Variants in PIP5K1A observed in about 807,000 individuals in gnomAD.
The protein encoded by PIP5K1A is phosphatidylinositol-4-phosphate 5-kinase type 1 alpha, also known as phosphatidylinositol 4-phosphate 5-kinase type-1 alpha.
PIP5K1A carries 46 observed loss-of-function variants against 72.9 expected under a neutral mutation model. The observed-to-expected ratio is 0.63, with a 90% CI of 0.50 to 0.81. The LOEUF (loss-of-function observed/expected upper bound fraction) is 0.81, where lower values mean the gene tolerates loss of function less well. Ranked by LOEUF, PIP5K1A falls within the 30% of genes least tolerant of loss-of-function variation. PIP5K1A has a pLI of 0.00. For missense variants in PIP5K1A, 458 were observed against 706.1 expected, an observed-to-expected ratio of 0.65 and a Z score of 3.98; for synonymous variants, 228 against 255.1, an observed-to-expected ratio of 0.89 and a Z score of 1.01.
intron 1 of PIP5K1A, among the ~76,000 whole-genome samples, chr1:151,199,388 G>A (rs1312213590): frequency 1.3e-5 from 2 of 152,076 alleles, no homozygotes; most frequent in Non-Finnish European, 2.9e-5. Flanking sequence ...CTTGGCGGGC[G>A]GATCATTTGA....
chr1:151,210,472 C>T, intron 1 of PIP5K1A, among the ~76,000 whole-genome samples: 1 of 152,082 alleles, frequency 6.6e-6, no homozygotes, highest in Non-Finnish European at 1.5e-5. Flanking sequence ...CAGGCATGAG[C>T]CACCCTGCTT....
chr1:151,247,865 A>C lies in PIP5K1A; in HGVS notation c.1689A>C (p.Ter563TyrextTer52), dbSNP rs1692741972. ...AACTTTACACTCTCCCTTTTCAGTAAGCGCAAAGCCTCAGAAGACCTGGAA... is the reference window on the plus strand; with the variant it reads ...AACTTTACACTCTCCCTTTTCAGTACGCGCAAAGCCTCAGAAGACCTGGAA... ...LEVAESEFTH[*>Y] Residue 563 changes from the stop codon to tyrosine, a stop_lost and splice_region_variant, in exon 16 of 16, where the codon TAA becomes TAC. Coordinates refer to ENST00000368888, the MANE Select transcript of PIP5K1A (RefSeq NM_001135638.2). The C allele has an allele frequency of 6.2e-7, 1 of 1,610,164 alleles. No homozygotes were observed. Among genetic ancestry groups the C allele is most frequent in the African/African-American group, 1.3e-5 (1 of 74,792 alleles).
At chr1:151,237,835 A>C (rs1480358144) in intron 9 of PIP5K1A, among the ~76,000 whole-genome samples, 3 of 150,162 alleles carry the variant, frequency 2.0e-5, no homozygotes, top group South Asian at 2.1e-4. Flanking sequence ...AAGATAGCAA[A>C]AGTACTGAAG....
upstream of PIP5K1A, among the ~76,000 whole-genome samples, chr1:151,195,925 C>G (rs1489961360): frequency 1.1e-5 from 1 of 94,422 alleles, no homozygotes; most frequent in South Asian, 3.9e-4. Context: ...GACGGAGTCT[C>G]GCTCTGTCGC....
chr1:151,230,899 T>C (rs1039729184), intron 4 of PIP5K1A, among the ~76,000 whole-genome samples: 1 of 152,236 alleles, frequency 6.6e-6, no homozygotes, highest in Non-Finnish European at 1.5e-5. Flanking sequence ...GACTGAAGTT[T>C]CTGCCGCCAG....
Position 151,242,447 on chromosome 1 carries a change from T to G in PIP5K1A, c.1520T>G (p.Leu507Arg). 2 of 1,614,158 alleles carry G rather than the reference T, an allele frequency of 1.2e-6. No individual in the cohort carries two copies. Among genetic ancestry groups the G allele is most frequent in the Non-Finnish European group, 1.7e-6 (2 of 1,179,994 alleles). ...TCTATCTTTTTTCCAGGCGTTCACC[T>G]TGGTCGTCCTGATGTTTTACCTCAG... The part of the protein sequence containing the change: ...TKAEVEPGVH[L>R]GRPDVLPQTP... The change falls in exon 14 of 16, where the codon CTT becomes CGT. Residue 507 changes from leucine (L) to arginine (R), a missense_variant. Physicochemically the swap from Leu to Arg is moderately radical, Grantham distance 102. Transcript: ENST00000368888.
At chr1:151,219,381 CAAAAAAA>C (rs1179510165) in intron 1 of PIP5K1A, among the ~76,000 whole-genome samples, 10 of 67,210 alleles carry the variant, frequency 1.5e-4, no homozygotes, top group Non-Finnish European at 3.0e-4. Context: ...ACTCTCGTCT[CAAAAAAA>C]AAAAAAAAAA....
intron 1 of PIP5K1A, chr1:151,216,147 G>C: frequency 2.3e-6 from 1 of 427,198 alleles, no homozygotes. Flanking sequence ...AGGAGATCGA[G>C]ACCATCCTGG....
At chr1:151,225,789 T>C (rs1182785201) in intron 3 of PIP5K1A, among the ~76,000 whole-genome samples, 1 of 151,774 alleles carries the variant, frequency 6.6e-6, no homozygotes, top group Non-Finnish European at 1.5e-5. Context: ...TTTTCTTTTT[T>C]TTTTTGAGAC....
In PIP5K1A at chr1:151,224,240, C is replaced by G; in HGVS notation, c.86-5C>G. The G allele has an allele frequency of 6.2e-7, 1 of 1,612,352 alleles. No individual in the cohort carries two copies. Among genetic ancestry groups the G allele is most frequent in the South Asian group, 1.1e-5 (1 of 91,022 alleles). On this transcript the variant is annotated splice_polypyrimidine_tract_variant and splice_region_variant and intron_variant, in intron 1 of 15. Transcript: ENST00000368888. ...CTCTTATGATTGTTTTTTTTTCCCC[C>G]CTAGCAGCATCTGGAATCAAGAGAC...
intron 3 of PIP5K1A, among the ~76,000 whole-genome samples, chr1:151,225,887 C>G (rs1689052397): frequency 6.7e-6 from 1 of 148,696 alleles, no homozygotes; most frequent in Admixed American, 6.8e-5. Flanking sequence ...AGTGATTCTC[C>G]CGCCTCAGCC....
In PIP5K1A at chr1:151,224,467, C is replaced by T. The variant is rs911538194; in HGVS notation, c.156+61C>T. The T allele has an allele frequency of 6.9e-5, 82 of 1,188,180 alleles. 1 individual carries two copies. The highest frequency in any genetic ancestry group is 9.5e-5 in the Non-Finnish European group (76 of 803,048). The allele number at this position is 1,188,180 out of a possible 1,614,324, so 73.6% of individuals were successfully genotyped here. Reference sequence around the variant, plus strand: ...AGTTTATTTTAAATATTAACAATATCTCACATTTATTGAGCATTTTTAATG... The same window carrying T: ...AGTTTATTTTAAATATTAACAATATTTCACATTTATTGAGCATTTTTAATG... On this transcript the variant is annotated intron_variant, in intron 3 of 15. Transcript: ENST00000368888.
chr1:151,218,290 G>A (rs587722082), intron 1 of PIP5K1A, among the ~76,000 whole-genome samples: 2 of 152,234 alleles, frequency 1.3e-5, no homozygotes, highest in South Asian at 4.1e-4. Flanking sequence ...AAATGATGTT[G>A]ATGAATGTTG....
At chr1:151,246,417 C>A (rs907222183) in intron 14 of PIP5K1A, among the ~76,000 whole-genome samples, 1 of 152,050 alleles carries the variant, frequency 6.6e-6, no homozygotes, top group Non-Finnish European at 1.5e-5. Context: ...CTTGTCACAT[C>A]GCCCTATCCA....
intron 1 of PIP5K1A, among the ~76,000 whole-genome samples, chr1:151,211,888 G>A (rs1313626642): frequency 2.0e-5 from 3 of 151,598 alleles, no homozygotes; most frequent in Non-Finnish European, 2.9e-5. Context: ...CGGATCACGA[G>A]GTCAGGAGAT....
intron 8 of PIP5K1A, among the ~76,000 whole-genome samples, chr1:151,234,755 A>C (rs1018039684): frequency 6.6e-6 from 1 of 152,178 alleles, no homozygotes; most frequent in Admixed American, 6.5e-5. Context: ...TTTCATACCA[A>C]CATCATCCTT....
In PIP5K1A at chr1:151,227,328, T is replaced by G; in HGVS notation, c.165T>G (p.Tyr55Ter). 1 of 1,608,830 alleles carries G rather than the reference T, an allele frequency of 6.2e-7. No individual in the cohort carries two copies. The highest frequency in any genetic ancestry group is 8.5e-7 in the Non-Finnish European group (1 of 1,175,272). Residue 55 changes from tyrosine to a stop codon, truncating the protein, a stop_gained, in exon 4 of 16, where the codon TAT (tyrosine) becomes TAG (stop). Transcript: ENST00000368888. LOFTEE classifies it high-confidence loss of function. ...RQDSYISLVP[Y>*]ASGMPIKKIG... ...CTTGACTCTTCTTCTAGGTGCCTTA[T>G]GCCTCTGGCATGCCCATCAAGAAAA... is the stretch of plus-strand genomic sequence containing the variant.
chr1:151,243,525 G>T (rs191549191), intron 14 of PIP5K1A, among the ~76,000 whole-genome samples: 1 of 152,316 alleles, frequency 6.6e-6, no homozygotes, highest in Non-Finnish European at 1.5e-5. Flanking sequence ...GATTTTATTT[G>T]CTGTTCCAAA....
intron 1 of PIP5K1A, among the ~76,000 whole-genome samples, chr1:151,206,850 G>A (rs1392173474): frequency 6.6e-6 from 1 of 152,030 alleles, no homozygotes; most frequent in Non-Finnish European, 1.5e-5. Context: ...ATAGGCGTGA[G>A]CCACCTTCCC....
Sources: allele counts gnomAD v4.1 joint callset (sites outside exome capture counted in the v4.1 genomes callset), GRCh38; gene constraint gnomAD v4.1.1; transcripts MANE v1.5; gene names NCBI Gene and HGNC (gene_info 2026-07-23, HGNC 2026-07-21).